XRN2: variants seen among roughly 807,000 people sequenced by gnomAD.
XRN2 encodes 5'-3' exoribonuclease 2.
Under a neutral mutation model 138.5 loss-of-function variants are expected in XRN2, and 44 were observed. The observed-to-expected ratio is 0.32, with a 90% CI of 0.25 to 0.41. The LOEUF (loss-of-function observed/expected upper bound fraction) is 0.41, where lower values mean the gene tolerates loss of function less well. XRN2 is among the 10% of genes least tolerant of loss of function. XRN2 has a pLI of 1.00. For missense variants in XRN2, 937 were observed against 1,169.3 expected (o/e 0.80, Z 2.90); for synonymous variants, 354 against 369.4 (o/e 0.96, Z 0.48).
chr20:21,355,614 A>G (rs1315487366), intron 21 of XRN2, among the ~76,000 whole-genome samples: 1 of 152,080 alleles, frequency 6.6e-6, no homozygotes, highest in Non-Finnish European at 1.5e-5. Flanking sequence ...TTTCCTGATA[A>G]CTATTGATCT....
At chr20:21,367,309 A>G (rs2038715332) in intron 26 of XRN2, among the ~76,000 whole-genome samples, 1 of 152,210 alleles carries the variant, frequency 6.6e-6, no homozygotes, top group Non-Finnish European at 1.5e-5. Context: ...CAGGCTTGCC[A>G]TAATGTTAAT....
chr20:21,323,426 G>A lies in XRN2; in HGVS notation c.76-2853G>A, dbSNP rs539336297. On this transcript the variant is annotated intron_variant, in intron 1 of 29. Coordinates refer to ENST00000377191, the MANE Select transcript of XRN2 (RefSeq NM_012255.5). ...TTACTTGAAATACATTGGTTTTAGG[G>A]TTCAGAGTGGCTCTCCTTTTAGCTG... 3.9e-5 allele frequency among the ~76,000 whole-genome samples: 6 copies of A among 152,292 alleles called. No homozygotes were observed. In the South Asian group the frequency reaches 8.3e-4, roughly 21 times the overall value.
chr20:21,357,510 CTTT>C (rs527874824), intron 23 of XRN2, among the ~76,000 whole-genome samples: 7 of 152,094 alleles, frequency 4.6e-5, no homozygotes, highest in South Asian at 2.1e-4. Flanking sequence ...AGTTGCAGTT[CTTT>C]GAGTACTAAT....
chr20:21,388,820 C>T (rs931049879), intron 29 of XRN2, among the ~76,000 whole-genome samples: 3 of 152,114 alleles, frequency 2.0e-5, no homozygotes, highest in African/African-American at 2.4e-5. Flanking sequence ...ATAAAAAATC[C>T]CTAAAATCAA....
At chr20:21,328,729 G>A in intron 4 of XRN2, 59 bp downstream of exon 4, 5 of 1,490,202 alleles carry the variant, frequency 3.4e-6, no homozygotes, top group South Asian at 1.2e-5. Flanking sequence ...GAATGAGGGG[G>A]TGGTGGCAAC....
intron 27 of XRN2, among the ~76,000 whole-genome samples, chr20:21,378,820 C>T (rs1568599102): frequency 6.6e-6 from 1 of 152,132 alleles, no homozygotes; most frequent in Non-Finnish European, 1.5e-5. Flanking sequence ...TGACAACTGT[C>T]AAGTGTCTGC....
intron 21 of XRN2, among the ~76,000 whole-genome samples, 176 bp downstream of exon 21, chr20:21,355,048 G>A (rs1317504159): frequency 6.6e-6 from 1 of 152,104 alleles, no homozygotes; most frequent in Non-Finnish European, 1.5e-5. Flanking sequence ...TTATCTGTAA[G>A]TTGAGTAGTA....
At chr20:21,310,880 G>C (rs2037870813) in intron 1 of XRN2, among the ~76,000 whole-genome samples, 3 of 152,026 alleles carry the variant, frequency 2.0e-5, no homozygotes. Flanking sequence ...GAGTAGCTGG[G>C]ACTACAGGCG....
intron 1 of XRN2, among the ~76,000 whole-genome samples, chr20:21,321,800 T>G (rs1176154623): frequency 6.6e-6 from 1 of 152,224 alleles, no homozygotes. Flanking sequence ...TTTACCAGTT[T>G]CACTGGGGAG....
At chr20:21,379,209 C>G (rs1338902810) in intron 27 of XRN2, among the ~76,000 whole-genome samples, 1 of 152,210 alleles carries the variant, frequency 6.6e-6, no homozygotes, top group Non-Finnish European at 1.5e-5. Flanking sequence ...AAATTTTCCA[C>G]TCTCGCCTGT....
intron 29 of XRN2, among the ~76,000 whole-genome samples, chr20:21,388,747 C>CA (rs1424807640): frequency 1.4e-4 from 22 of 152,186 alleles, no homozygotes; most frequent in Admixed American, 9.8e-4. Context: ...TTATAAAGGT[C>CA]ACGGCTAATG....
chr20:21,311,179 T>A (rs1487628301), intron 1 of XRN2, among the ~76,000 whole-genome samples: 3 of 152,232 alleles, frequency 2.0e-5, no homozygotes, highest in Non-Finnish European at 2.9e-5. Context: ...GTTCAAATTG[T>A]TGTGCAACTG....
At chr20:21,351,135 G>A (rs1007987541) in intron 20 of XRN2, among the ~76,000 whole-genome samples, 1 of 152,146 alleles carries the variant, frequency 6.6e-6, no homozygotes, top group African/African-American at 2.4e-5. Context: ...CAGGTGACTT[G>A]TCAACTCTGT....
In XRN2 at chr20:21,344,196, A is replaced by G. The variant is rs534462356; in HGVS notation, c.1517A>G (p.Glu506Gly). The G allele has an allele frequency of 1.9e-6, 3 of 1,612,552 alleles. No individual in the cohort carries two copies. Among genetic ancestry groups the G allele is most frequent in the East Asian group, 4.5e-5 (2 of 44,854 alleles). Reference protein sequence around the residue: ...AEDSDSEPEPEDNVRLWEAGW... With the variant: ...AEDSDSEPEPGDNVRLWEAGW... The stretch of plus-strand genomic sequence containing the variant: ...GACAGTGACAGTGAACCTGAGCCAG[A>G]GGATAATGTCAGGTGAAGCCATTTT... Residue 506 changes from glutamate to glycine, a missense_variant, in exon 16 of 30, where the codon GAG (glutamate) becomes GGG (glycine). Physicochemically the swap from Glu to Gly is moderately conservative, Grantham distance 98. Coordinates refer to ENST00000377191, the MANE Select transcript of XRN2 (RefSeq NM_012255.5).
chr20:21,328,523 T>G (rs929770623), intron 3 of XRN2, 36 bp from the exon 4 acceptor site: 1 of 1,571,198 alleles, frequency 6.4e-7, no homozygotes, highest in African/African-American at 1.4e-5. Flanking sequence ...TGTGAATATT[T>G]TGATGAGTGT....
intron 9 of XRN2, 21 bp from the exon 10 acceptor site, chr20:21,333,523 T>A: frequency 6.2e-7 from 1 of 1,606,942 alleles, no homozygotes. Flanking sequence ...ACTTGTTTCA[T>A]CTTCATTCCT....
In XRN2 at chr20:21,303,530, C is replaced by T. The variant is rs539619229; in HGVS notation, c.75+57C>T. The T allele has an allele frequency of 5.2e-3, 7,773 of 1,508,602 alleles. 35 individuals carry two copies. The highest frequency in any genetic ancestry group is 9.7e-3 in the South Asian group (772 of 79,896). 93.5% of individuals were successfully genotyped at this position (1,508,602 alleles called of 1,614,324 possible). ...AGCCCGGGCCCCCGGCACGTCTAGG[C>T]CGCGGCCCATGGGCTCCGCCGCCTG... On this transcript the variant is annotated intron_variant, in intron 1 of 29. Transcript: ENST00000377191.
At chr20:21,335,126 AG>A (rs1381087106) in intron 13 of XRN2, among the ~76,000 whole-genome samples, 5 of 152,186 alleles carry the variant, frequency 3.3e-5, no homozygotes, top group Non-Finnish European at 5.9e-5. Flanking sequence ...GCCATGCTCA[AG>A]GGGTCACAGT....
Position 21,328,681 on chromosome 20 carries a change from T to C in XRN2, c.427+11T>C. On this transcript the variant is annotated intron_variant, in intron 4 of 29. Transcript: ENST00000377191. ...AAATATTGGCAAAAGGTAAAGAATATGCATCTTGAAGTTGGATTTTTTCAT... is the reference window on the plus strand; with the variant it reads ...AAATATTGGCAAAAGGTAAAGAATACGCATCTTGAAGTTGGATTTTTTCAT... The C allele has an allele frequency of 6.2e-7, 1 of 1,610,974 alleles. No individual in the cohort carries two copies. The highest frequency in any genetic ancestry group is 8.5e-7 in the Non-Finnish European group (1 of 1,178,430).
Sources: allele counts gnomAD v4.1 joint callset (sites outside exome capture counted in the v4.1 genomes callset), GRCh38; gene constraint gnomAD v4.1.1; transcripts MANE v1.5; gene names NCBI Gene and HGNC (gene_info 2026-07-23, HGNC 2026-07-21).